OSBPL9: variants seen among roughly 807,000 people sequenced by gnomAD.
OSBPL9 encodes oxysterol-binding protein-related protein 9.
OSBPL9 carries 40 observed loss-of-function variants against 106.6 expected under a neutral mutation model. The observed-to-expected ratio is 0.38, with a 90% CI of 0.29 to 0.49. OSBPL9 has a LOEUF of 0.49. Among genes scored for constraint, OSBPL9 ranks in the 20% least tolerant of loss-of-function variants. OSBPL9 has a pLI of 0.97. For synonymous variants in OSBPL9, 269 were observed against 295.4 expected, an observed-to-expected ratio of 0.91 and a Z score of 0.92; for missense variants, 609 against 887.2, an observed-to-expected ratio of 0.69 and a Z score of 3.98.
chr1:51,657,626 A>T (rs1307570203), intron 2 of OSBPL9, among the ~76,000 whole-genome samples: 2 of 152,238 alleles, frequency 1.3e-5, no homozygotes, highest in Non-Finnish European at 2.9e-5. Flanking sequence ...AAAGCAGAAA[A>T]GTGAAAAACC....
chr1:51,654,329 A>G (rs1646695945), intron 2 of OSBPL9, among the ~76,000 whole-genome samples: 1 of 152,182 alleles, frequency 6.6e-6, no homozygotes, highest in South Asian at 2.1e-4. Context: ...ACAGGCTATC[A>G]TTTTGTTTTA....
At position 51,761,934 on chromosome 1, in the gene OSBPL9, C is replaced by T; in HGVS notation, c.741C>T (p.Thr247=). ...SSLPVGPVLA[T]LGHHQTPTPN... is the part of the protein sequence containing the mutation. ...TACCAGTTGGACCTGTGTTGGCTAC[C>T]TTGGGACATCATCAGACTCCTACAC... is the stretch of plus-strand genomic sequence containing the variant. The change falls in exon 11 of 24, where the codon ACC becomes ACT. Residue 247 remains threonine, a synonymous_variant. Transcript: ENST00000428468. The T allele has an allele frequency of 6.2e-7, 1 of 1,613,152 alleles. No homozygotes were observed. Among genetic ancestry groups the T allele is most frequent in the Non-Finnish European group, 8.5e-7 (1 of 1,179,206 alleles).
Position 51,658,771 on chromosome 1 carries a change from G to T in OSBPL9, c.162+6730G>T, listed in dbSNP as rs113358353. Among the ~76,000 whole-genome samples, 1,095 of 151,982 alleles carry T rather than the reference G, an allele frequency of 7.2e-3. 10 individuals carry two copies. The highest frequency in any genetic ancestry group is 0.025 in the African/African-American group (1,049 of 41,462). ...CTTTTTTTTTTCACAATGCAATAAG[G>T]TGTTATTTTTAGGTTAATGTATAAC... is the stretch of plus-strand genomic sequence containing the variant. On this transcript the variant is annotated intron_variant, in intron 2 of 23. Transcript: ENST00000428468.
the OSBPL9 span, among the ~76,000 whole-genome samples, chr1:51,554,730 T>G: frequency 6.6e-6 from 1 of 152,164 alleles, no homozygotes. Context: ...AGTCAGACAT[T>G]CCCCAGGTCT....
At chr1:51,616,162 T>C (rs145793969), upstream of OSBPL9, among the ~76,000 whole-genome samples, 1 of 152,150 alleles carries the variant, frequency 6.6e-6, no homozygotes, top group Non-Finnish European at 1.5e-5. Flanking sequence ...TTTTTGTATG[T>C]TTAGTAGAGA....
the OSBPL9 span, among the ~76,000 whole-genome samples, chr1:51,553,534 C>A: frequency 1.3e-5 from 2 of 151,392 alleles, no homozygotes; most frequent in Non-Finnish European, 2.9e-5. Context: ...AAAACCAAAA[C>A]AAAACAAACA....
intron 1 of OSBPL9, among the ~76,000 whole-genome samples, chr1:51,588,718 C>G (rs1299855719): frequency 1.3e-5 from 2 of 152,182 alleles, no homozygotes; most frequent in Non-Finnish European, 2.9e-5. Flanking sequence ...AAAATTCAGA[C>G]TCATTGAACT....
intron 3 of OSBPL9, among the ~76,000 whole-genome samples, chr1:51,684,276 T>C (rs1363260148): frequency 6.6e-6 from 1 of 152,154 alleles, no homozygotes; most frequent in Admixed American, 6.5e-5. Context: ...CCCAAAGTGC[T>C]GGGAATACAG....
rs1473088297 is a variant in OSBPL9, at chr1:51,788,497, T to TAA, written c.*710_*711dup. ...TGCATCTTTTATTATCTTTTATGGT[T>TAA]AAACTTGGAAGCCAATTATTTGGCA... On this transcript the variant is annotated 3_prime_UTR_variant, in exon 24 of 24. Coordinates refer to ENST00000428468, the MANE Select transcript of OSBPL9 (RefSeq NM_024586.6). 1 of 152,618 alleles carries TAA rather than the reference T, an allele frequency of 6.6e-6. No homozygotes were observed. The highest frequency in any genetic ancestry group is 1.5e-5 in the Non-Finnish European group (1 of 68,038). 9.5% of individuals were successfully genotyped at this position (152,618 alleles called of 1,614,324 possible).
chr1:51,784,175 G>C, intron 18 of OSBPL9, 89 bp from the exon 19 acceptor site: 1 of 1,448,770 alleles, frequency 6.9e-7, no homozygotes, highest in Non-Finnish European at 9.7e-7. Flanking sequence ...AAATTGAATG[G>C]AGTATCCTGG....
chr1:51,787,286 CTA>C, intron 22 of OSBPL9, 65 bp from the exon 23 acceptor site: 1 of 1,480,920 alleles, frequency 6.8e-7, no homozygotes, highest in Non-Finnish European at 9.4e-7. Flanking sequence ...TTGTATTATA[CTA>C]TATTCAGGAT....
chr1:51,657,847 C>T (rs550650514), intron 2 of OSBPL9, among the ~76,000 whole-genome samples: 13 of 152,096 alleles, frequency 8.5e-5, no homozygotes, highest in Non-Finnish European at 1.8e-4. Flanking sequence ...CCTGTAATCC[C>T]AGCACTTTGG....
chr1:51,617,241 A>G lies in OSBPL9; in HGVS notation c.111+20A>G, dbSNP rs1570552078. ...TACACGGTGAGTCCTTGGAGGGCACAGCTCCAGGCGCCTCGGGGCCGCGTT... is the reference window on the plus strand; with the variant it reads ...TACACGGTGAGTCCTTGGAGGGCACGGCTCCAGGCGCCTCGGGGCCGCGTT... On this transcript the variant is annotated intron_variant, in intron 1 of 23. Transcript: ENST00000428468. 6.3e-7 allele frequency: 1 copy of G among 1,586,036 alleles called. No individual in the cohort carries two copies. The highest frequency in any genetic ancestry group is 2.3e-5 in the East Asian group (1 of 43,630).
rs1306886619 is a variant in OSBPL9 at position 51,581,534 on chromosome 1, G to A, written c.-423+4278G>A. On this transcript the variant is annotated intron_variant, in intron 1 of 25. Transcript: ENST00000371714. ...GGAGATATGCTCCACCTCTTTGAGG[G>A]CAGAGTATTTACATAAATTATTTGG... 4.6e-5 allele frequency among the ~76,000 whole-genome samples: 7 copies of A among 152,176 alleles called. No homozygotes were observed. In the South Asian group the frequency reaches 1.0e-3, roughly 23 times the overall value.
chr1:51,715,106 T>C (rs2148896099), intron 4 of OSBPL9, among the ~76,000 whole-genome samples: 1 of 152,370 alleles, frequency 6.6e-6, no homozygotes, highest in Middle Eastern at 3.4e-3. Flanking sequence ...CCTTTCTCTG[T>C]ACTTTGTTCT....
At chr1:51,542,008 C>T in the OSBPL9 span, among the ~76,000 whole-genome samples, 1 of 152,172 alleles carries the variant, frequency 6.6e-6, no homozygotes, top group Non-Finnish European at 1.5e-5. Context: ...CCACCTCAGC[C>T]TCTTGTGTAT....
At chr1:51,737,097 A>T (rs1230043114) in intron 4 of OSBPL9, among the ~76,000 whole-genome samples, 1 of 151,560 alleles carries the variant, frequency 6.6e-6, no homozygotes, top group African/African-American at 2.4e-5. Flanking sequence ...TCATTATTTT[A>T]TTTATTCCAG....
At chr1:51,738,645 T>C (rs1290313147) in intron 4 of OSBPL9, among the ~76,000 whole-genome samples, 2 of 152,052 alleles carry the variant, frequency 1.3e-5, no homozygotes, top group African/African-American at 4.8e-5. Context: ...ATTCATTTCT[T>C]TTTTATTACC....
intron 3 of OSBPL9, among the ~76,000 whole-genome samples, chr1:51,710,459 TATA>T (rs1301263001): frequency 6.6e-6 from 1 of 152,236 alleles, no homozygotes; most frequent in African/African-American, 2.4e-5. Context: ...GCCACATACT[TATA>T]ATTTCTGTTG....
Sources: allele counts gnomAD v4.1 joint callset (sites outside exome capture counted in the v4.1 genomes callset), GRCh38; gene constraint gnomAD v4.1.1; transcripts MANE v1.5; gene names NCBI Gene and HGNC (gene_info 2026-07-23, HGNC 2026-07-21).